LRFN5: variants seen among roughly 807,000 people sequenced by gnomAD.
The protein encoded by LRFN5 is leucine-rich repeat and fibronectin type-III domain-containing protein 5.
Under a neutral mutation model 45.6 loss-of-function variants are expected in LRFN5, and 24 were observed. The ratio of observed to expected loss-of-function variants is 0.53; its 90% CI spans 0.38 to 0.74. LRFN5 has a LOEUF of 0.74. Among genes scored for constraint, LRFN5 ranks in the 30% least tolerant of loss-of-function variants. LRFN5 has a pLI of 0.00. For missense variants in LRFN5, 776 were observed against 861.5 expected, an observed-to-expected ratio of 0.90 and a Z score of 1.24; for synonymous variants, 340 against 313.8, an observed-to-expected ratio of 1.08 and a Z score of -0.88.
chr14:41,848,165 C>A (rs777930603), intron 2 of LRFN5, among the ~76,000 whole-genome samples: 41 of 151,916 alleles, frequency 2.7e-4, no homozygotes, highest in Non-Finnish European at 5.2e-4. Context: ...GGATCATTAC[C>A]AATATATAGC....
chr14:41,825,259 C>A (rs1282658867), intron 2 of LRFN5, among the ~76,000 whole-genome samples: 1 of 152,160 alleles, frequency 6.6e-6, no homozygotes, highest in Non-Finnish European at 1.5e-5. Flanking sequence ...TGCGCCAAGC[C>A]CCTGGGAGAG....
In LRFN5 at chr14:41,848,608, A is replaced by T. The variant is rs148545089; in HGVS notation, c.-20-37998A>T. On this transcript the variant is annotated intron_variant, in intron 2 of 5. Coordinates refer to ENST00000298119, the MANE Select transcript of LRFN5 (RefSeq NM_152447.5). ...CCAACCTCCAACTGTTGGTCATGGGATCAGGACAAGAAACACTATGAATTG... is the reference window on the plus strand; with the variant it reads ...CCAACCTCCAACTGTTGGTCATGGGTTCAGGACAAGAAACACTATGAATTG... 6.1e-3 allele frequency among the ~76,000 whole-genome samples: 933 copies of T among 152,106 alleles called. 5 individuals carry two copies. Among genetic ancestry groups the T allele is most frequent in the African/African-American group, 0.022 (901 of 41,506 alleles).
intron 1 of LRFN5, among the ~76,000 whole-genome samples, chr14:41,753,307 T>A (rs1050942276): frequency 2.0e-5 from 3 of 152,152 alleles, no homozygotes; most frequent in Admixed American, 6.5e-5. Flanking sequence ...CTGAAGAAAG[T>A]CATTGGTAGC....
At chr14:41,702,915 G>A (rs773974180) in intron 1 of LRFN5, among the ~76,000 whole-genome samples, 3 of 151,980 alleles carry the variant, frequency 2.0e-5, no homozygotes, top group Non-Finnish European at 1.5e-5. Flanking sequence ...CCCTCCTGAG[G>A]CTAAAATAGT....
At chr14:41,844,669 GATTTGTAGC>G (rs1166503286) in intron 2 of LRFN5, among the ~76,000 whole-genome samples, 1 of 152,056 alleles carries the variant, frequency 6.6e-6, no homozygotes, top group Non-Finnish European at 1.5e-5. Flanking sequence ...GTAAAGCCTT[GATTTGTAGC>G]ATTTGCCAAT....
intron 2 of LRFN5, among the ~76,000 whole-genome samples, chr14:41,818,985 A>C (rs372853730): frequency 3.3e-5 from 5 of 152,190 alleles, no homozygotes; most frequent in African/African-American, 1.2e-4. Flanking sequence ...AAGTGAGAAT[A>C]TGTGGTACTT....
At chr14:41,783,277 C>T (rs1886599418) in intron 2 of LRFN5, among the ~76,000 whole-genome samples, 1 of 152,082 alleles carries the variant, frequency 6.6e-6, no homozygotes, top group East Asian at 1.9e-4. Context: ...TCTCAGCCTT[C>T]AGCAAATCAC....
intron 2 of LRFN5, among the ~76,000 whole-genome samples, chr14:41,805,512 C>T (rs1594425367): frequency 6.6e-6 from 1 of 150,946 alleles, no homozygotes; most frequent in African/African-American, 2.4e-5. Flanking sequence ...CCCACTAACT[C>T]GTCATCTAGC....
At chr14:41,885,739 G>A (rs957901412) in intron 2 of LRFN5, among the ~76,000 whole-genome samples, 1 of 151,934 alleles carries the variant, frequency 6.6e-6, no homozygotes, top group Admixed American at 6.6e-5. Flanking sequence ...AAGATTGGCC[G>A]GGCACAGTGG....
At chr14:41,737,271 T>G (rs1028103865) in intron 1 of LRFN5, among the ~76,000 whole-genome samples, 3 of 152,158 alleles carry the variant, frequency 2.0e-5, no homozygotes, top group African/African-American at 7.2e-5. Flanking sequence ...TCTCAATAGA[T>G]GCTGAAAAGG....
At chr14:41,618,150 TAATTCTAGATATAACTGTTATCAGGAC>T (rs1187928794) in intron 1 of LRFN5, among the ~76,000 whole-genome samples, 6 of 152,234 alleles carry the variant, frequency 3.9e-5, no homozygotes, top group African/African-American at 1.4e-4. Flanking sequence ...AATCTGGGCT[TAATTCTAGATATAACTGTTATCAGGAC>T]AAATCTTTTC....
intron 1 of LRFN5, among the ~76,000 whole-genome samples, chr14:41,616,544 T>C (rs1320620123): frequency 8.5e-5 from 13 of 152,150 alleles, no homozygotes; most frequent in Admixed American, 8.5e-4. Flanking sequence ...TTTAATAAAA[T>C]TGATGATTAA....
chr14:41,717,721 G>A (rs1883547160), intron 1 of LRFN5, among the ~76,000 whole-genome samples: 1 of 152,234 alleles, frequency 6.6e-6, no homozygotes, highest in South Asian at 2.1e-4. Context: ...AAATCCTGAG[G>A]CTGACATTTT....
At chr14:41,819,061 G>A (rs1888022066) in intron 2 of LRFN5, among the ~76,000 whole-genome samples, 1 of 152,124 alleles carries the variant, frequency 6.6e-6, no homozygotes, top group East Asian at 1.9e-4. Flanking sequence ...TGCTGCAAAA[G>A]GCAAGGTTTT....
chr14:41,714,713 C>G (rs1256336680), intron 1 of LRFN5, among the ~76,000 whole-genome samples: 1 of 152,000 alleles, frequency 6.6e-6, no homozygotes, highest in Non-Finnish European at 1.5e-5. Flanking sequence ...CAAGACCAGC[C>G]TGAGCACATG....
intron 1 of LRFN5, among the ~76,000 whole-genome samples, chr14:41,643,451 CT>C (rs1879672488): frequency 6.6e-6 from 1 of 152,010 alleles, no homozygotes; most frequent in Non-Finnish European, 1.5e-5. Flanking sequence ...AATAAATCCC[CT>C]TTCCCCCCAC....
At chr14:41,843,084 T>G (rs1594457571) in intron 2 of LRFN5, among the ~76,000 whole-genome samples, 1 of 150,168 alleles carries the variant, frequency 6.7e-6, no homozygotes, top group East Asian at 1.9e-4. Flanking sequence ...TTTTTGTCTT[T>G]TCTTTTTTTT....
chr14:41,815,518 A>G (rs1197414620), intron 2 of LRFN5, among the ~76,000 whole-genome samples: 1 of 152,102 alleles, frequency 6.6e-6, no homozygotes, highest in Non-Finnish European at 1.5e-5. Context: ...CAGGAAGATC[A>G]CTTGAAATAA....
chr14:41,750,913 G>C (rs1218113002), intron 1 of LRFN5, among the ~76,000 whole-genome samples: 1 of 152,026 alleles, frequency 6.6e-6, no homozygotes, highest in Non-Finnish European at 1.5e-5. Context: ...ATGTTGGTTT[G>C]CTGCACCCAT....
Sources: allele counts gnomAD v4.1 joint callset (sites outside exome capture counted in the v4.1 genomes callset), GRCh38; gene constraint gnomAD v4.1.1; transcripts MANE v1.5; gene names NCBI Gene and HGNC (gene_info 2026-07-23, HGNC 2026-07-21).